Variants in DPYD observed in about 807,000 individuals in gnomAD.
DPYD encodes the protein dihydropyrimidine dehydrogenase [NADP(+)].
A neutral mutation model predicts 116.2 loss-of-function variants in DPYD; 109 were observed. The ratio of observed to expected loss-of-function variants is 0.94; its 90% CI spans 0.80 to 1.10. The LOEUF is 1.10. DPYD is among the 50% of genes least tolerant of loss of function. The pLI, the probability that DPYD is intolerant of heterozygous loss-of-function variation, is 0.00. For missense variants in DPYD, 1,302 were observed against 1,254.5 expected, an observed-to-expected ratio of 1.04 and a Z score of -0.57; for synonymous variants, 440 against 432.0, an observed-to-expected ratio of 1.02 and a Z score of -0.23.
At chr1:97,263,903 T>C (rs535422242) in intron 18 of DPYD, among the ~76,000 whole-genome samples, 2 of 152,206 alleles carry the variant, frequency 1.3e-5, no homozygotes, top group South Asian at 4.1e-4. Flanking sequence ...CTTCAGATAA[T>C]TGAAAAATTA....
At chr1:97,867,411 G>A (rs1480218290) in intron 2 of DPYD, among the ~76,000 whole-genome samples, 1 of 151,830 alleles carries the variant, frequency 6.6e-6, no homozygotes, top group Non-Finnish European at 1.5e-5. Context: ...GCTTTGAAAT[G>A]AAGGAAAGAT....
At chr1:97,751,414 A>G (rs1235697141) in intron 3 of DPYD, among the ~76,000 whole-genome samples, 4 of 134,682 alleles carry the variant, frequency 3.0e-5, no homozygotes, top group Non-Finnish European at 6.3e-5. Context: ...ATATACGTGT[A>G]TATATATATG....
chr1:97,589,418 A>AT (rs1654361663), intron 10 of DPYD, among the ~76,000 whole-genome samples: 1 of 152,180 alleles, frequency 6.6e-6, no homozygotes, highest in African/African-American at 2.4e-5. Flanking sequence ...TGATGATTGT[A>AT]TAAGTGGCTC....
At chr1:97,839,070 G>A (rs1305713134) in intron 2 of DPYD, among the ~76,000 whole-genome samples, 2 of 152,036 alleles carry the variant, frequency 1.3e-5, no homozygotes, top group Admixed American at 6.6e-5. Context: ...AAACCAACCA[G>A]CAAACAAAAC....
intron 19 of DPYD, among the ~76,000 whole-genome samples, chr1:97,229,587 T>TAAATAA (rs1553237979): frequency 1.1e-4 from 7 of 64,680 alleles, no homozygotes; most frequent in African/African-American, 4.1e-4. Context: ...TATATATATA[T>TAAATAA]ATACTGATTT....
At chr1:97,539,310 C>T (rs1223559988) in intron 12 of DPYD, among the ~76,000 whole-genome samples, 1 of 151,972 alleles carries the variant, frequency 6.6e-6, no homozygotes, top group East Asian at 1.9e-4. Flanking sequence ...TTGCATTTTC[C>T]CCTAAATGTT....
chr1:97,363,807 TG>T (rs912386021), intron 16 of DPYD, among the ~76,000 whole-genome samples: 1 of 151,784 alleles, frequency 6.6e-6, no homozygotes, highest in African/African-American at 2.4e-5. Flanking sequence ...TGTCATGGGG[TG>T]GGGAGCAGGG....
intron 20 of DPYD, among the ~76,000 whole-genome samples, chr1:97,121,319 G>A (rs183683014): frequency 6.6e-6 from 1 of 152,062 alleles, no homozygotes; most frequent in Non-Finnish European, 1.5e-5. Flanking sequence ...ATTCTTCCCT[G>A]CCTCCTGCCA....
intron 1 of DPYD, among the ~76,000 whole-genome samples, chr1:97,890,588 T>C (rs1346300348): frequency 5.3e-5 from 8 of 151,920 alleles, no homozygotes; most frequent in Admixed American, 2.6e-4. Flanking sequence ...CTCATGCTTA[T>C]AGAAAAAAAG....
chr1:97,646,900 C>A (rs1432686581), intron 8 of DPYD, among the ~76,000 whole-genome samples: 1 of 152,024 alleles, frequency 6.6e-6, no homozygotes, highest in African/African-American at 2.4e-5. Context: ...TGAACAAAAT[C>A]AAGTTCAGAA....
chr1:97,753,301 T>C (rs906740975), intron 3 of DPYD, among the ~76,000 whole-genome samples: 1 of 152,206 alleles, frequency 6.6e-6, no homozygotes, highest in Non-Finnish European at 1.5e-5. Context: ...TGTATGATCC[T>C]GATAATCATC....
At chr1:97,861,242 C>A (rs1290821930) in intron 2 of DPYD, among the ~76,000 whole-genome samples, 1 of 151,656 alleles carries the variant, frequency 6.6e-6, no homozygotes, top group Non-Finnish European at 1.5e-5. Flanking sequence ...ACAAATGATG[C>A]AGAAACAGTA....
chr1:97,309,916 C>A (rs929405739), intron 16 of DPYD, among the ~76,000 whole-genome samples: 4 of 151,524 alleles, frequency 2.6e-5, no homozygotes, highest in Admixed American at 6.6e-5. Context: ...CTTTTGAGAC[C>A]CTGAAGATGA....
At chr1:97,485,346 A>T (rs6593650) in intron 13 of DPYD, among the ~76,000 whole-genome samples, 3 of 151,844 alleles carry the variant, frequency 2.0e-5, no homozygotes, top group Admixed American at 1.3e-4. Flanking sequence ...GGACTACAGG[A>T]GTGCACCACG....
At chr1:97,369,186 CAATT>C (rs1671189767) in intron 16 of DPYD, among the ~76,000 whole-genome samples, 1 of 152,080 alleles carries the variant, frequency 6.6e-6, no homozygotes, top group Admixed American at 6.6e-5. Context: ...GGTTATAAAA[CAATT>C]AAATCTATTA....
chr1:97,594,305 G>A (rs1230973485), intron 9 of DPYD, among the ~76,000 whole-genome samples: 1 of 152,134 alleles, frequency 6.6e-6, no homozygotes, highest in Non-Finnish European at 1.5e-5. Context: ...AAGGGTTTCA[G>A]ACATACAAAC....
At chr1:97,113,227 A>G (rs569772866) in intron 20 of DPYD, among the ~76,000 whole-genome samples, 1 of 152,272 alleles carries the variant, frequency 6.6e-6, no homozygotes, top group Admixed American at 6.6e-5. Context: ...TGAATCCTAT[A>G]GAAAGATTTA....
In DPYD at chr1:97,119,714, CTT is replaced by C. The variant is rs201786019; in HGVS notation, c.2623-21084_2623-21083del. On this transcript the variant is annotated intron_variant, in intron 20 of 22. Coordinates refer to ENST00000370192, the MANE Select transcript of DPYD (RefSeq NM_000110.4). ...GTTTCAGCCCTCTCACAAAATCACT[CTT>C]GTCACTTCTAGCCTCCTGTGCTTTT... is the stretch of plus-strand genomic sequence containing the variant. 8.6e-3 allele frequency among the ~76,000 whole-genome samples: 1,310 copies of C among 152,256 alleles called. 23 individuals are homozygous for C. The highest frequency in any genetic ancestry group is 0.03 in the African/African-American group (1,228 of 41,556).
At chr1:97,128,685 T>G (rs1653040457) in intron 20 of DPYD, among the ~76,000 whole-genome samples, 1 of 152,112 alleles carries the variant, frequency 6.6e-6, no homozygotes, top group African/African-American at 2.4e-5. Flanking sequence ...AACACTGCAG[T>G]ATATCAAGAC....
Sources: allele counts gnomAD v4.1 joint callset (sites outside exome capture counted in the v4.1 genomes callset), GRCh38; gene constraint gnomAD v4.1.1; transcripts MANE v1.5; gene names NCBI Gene and HGNC (gene_info 2026-07-23, HGNC 2026-07-21).